Variants in NPAS3 observed in about 807,000 individuals in gnomAD.
NPAS3 encodes the protein neuronal PAS domain-containing protein 3.
In NPAS3, 14 loss-of-function variants were observed where a neutral mutation model predicts 73.1. The observed-to-expected ratio is 0.19, with a 90% CI of 0.13 to 0.30. The LOEUF (loss-of-function observed/expected upper bound fraction) is 0.30, where lower values mean the gene tolerates loss of function less well. NPAS3 is among the 10% of genes least tolerant of loss of function. The pLI, the probability that NPAS3 is intolerant of heterozygous loss-of-function variation, is 1.00. For missense variants in NPAS3, 1,096 were observed against 1,250.0 expected (o/e 0.88, Z 1.86); for synonymous variants, 620 against 541.5 (o/e 1.14, Z -2.01).
intron 5 of NPAS3, among the ~76,000 whole-genome samples, chr14:33,640,780 C>T (rs1428560380): frequency 1.3e-5 from 2 of 152,086 alleles, no homozygotes; most frequent in Non-Finnish European, 2.9e-5. Context: ...TTGAAAATCT[C>T]GTTGTACAAA....
rs117506837 is a variant in NPAS3, at chr14:32,979,238, G to A, written c.50+39872G>A. On this transcript the variant is annotated intron_variant, in intron 1 of 11. Coordinates refer to ENST00000356141, the Ensembl canonical transcript of NPAS3. ...TTAAAAGATAACTCTTGACTCTGCT[G>A]CTTAAAACCTCTATGCCTTCAAACA... Among the ~76,000 whole-genome samples, 195 of 152,220 alleles carry A rather than the reference G, an allele frequency of 1.3e-3. 3 individuals are homozygous for A. In the East Asian group the frequency reaches 0.02, roughly 16 times the overall value.
intron 3 of NPAS3, among the ~76,000 whole-genome samples, chr14:33,242,872 G>T (rs1389125777): frequency 1.3e-5 from 2 of 152,074 alleles, no homozygotes; most frequent in African/African-American, 4.8e-5. Flanking sequence ...AGCATTAGAT[G>T]ATGTGGAAAT....
chr14:33,409,187 G>T (rs979865543), intron 4 of NPAS3, among the ~76,000 whole-genome samples: 2 of 152,202 alleles, frequency 1.3e-5, no homozygotes, highest in African/African-American at 4.8e-5. Context: ...TTGTAAGGTT[G>T]TGGGGAGGGG....
chr14:33,510,854 G>A (rs2053015374), intron 4 of NPAS3, among the ~76,000 whole-genome samples: 1 of 152,080 alleles, frequency 6.6e-6, no homozygotes, highest in African/African-American at 2.4e-5. Context: ...GCAAATGACT[G>A]ATGCTTTATG....
intron 9 of NPAS3, among the ~76,000 whole-genome samples, chr14:33,792,572 A>AC (rs1220682197): frequency 1.2e-5 from 1 of 81,704 alleles, no homozygotes. Flanking sequence ...ACACCCATCC[A>AC]CCCCCCTCCA....
chr14:33,335,152 G>A (rs1383041816), intron 3 of NPAS3, among the ~76,000 whole-genome samples: 1 of 151,948 alleles, frequency 6.6e-6, no homozygotes, highest in Non-Finnish European at 1.5e-5. Context: ...TTGTGCTGCT[G>A]TAAACTTATG....
At chr14:33,630,683 T>C (rs2058353239) in intron 5 of NPAS3, among the ~76,000 whole-genome samples, 1 of 152,168 alleles carries the variant, frequency 6.6e-6, no homozygotes, top group Non-Finnish European at 1.5e-5. Flanking sequence ...AACATGTCAA[T>C]TAACCTATGG....
chr14:33,763,965 A>C (rs2062378662), intron 7 of NPAS3, among the ~76,000 whole-genome samples: 1 of 152,236 alleles, frequency 6.6e-6, no homozygotes. Context: ...CTTTAAAAAA[A>C]AAATTTCAGC....
At chr14:33,658,457 G>C (rs1418488549) in intron 5 of NPAS3, among the ~76,000 whole-genome samples, 1 of 152,156 alleles carries the variant, frequency 6.6e-6, no homozygotes, top group Non-Finnish European at 1.5e-5. Context: ...AGGTAATGCA[G>C]TATACCAGCA....
chr14:33,599,769 A>G (rs1213695903), intron 5 of NPAS3, among the ~76,000 whole-genome samples: 1 of 152,202 alleles, frequency 6.6e-6, no homozygotes, highest in African/African-American at 2.4e-5. Context: ...AAGCTCGTTC[A>G]GGAGGGCTTA....
intron 7 of NPAS3, among the ~76,000 whole-genome samples, chr14:33,735,840 G>T (rs147124017): frequency 1.3e-5 from 2 of 151,792 alleles, no homozygotes; most frequent in Non-Finnish European, 2.9e-5. Context: ...TTTATGGAAC[G>T]TGCAGTCACA....
intron 7 of NPAS3, among the ~76,000 whole-genome samples, chr14:33,742,936 C>T (rs376185022): frequency 1.3e-5 from 2 of 152,134 alleles, no homozygotes; most frequent in Non-Finnish European, 2.9e-5. Flanking sequence ...AGTTTCATCA[C>T]GAGACTACAG....
chr14:33,289,211 GT>G (rs1434502217), intron 3 of NPAS3, among the ~76,000 whole-genome samples: 5 of 152,228 alleles, frequency 3.3e-5, no homozygotes, highest in African/African-American at 1.2e-4. Context: ...CTAAAGGAGT[GT>G]TTTTCTGAAA....
chr14:33,003,621 T>C (rs2038887858), intron 1 of NPAS3, among the ~76,000 whole-genome samples: 2 of 152,222 alleles, frequency 1.3e-5, no homozygotes, highest in Non-Finnish European at 2.9e-5. Context: ...CCCTGAATAT[T>C]TTGGAAGGTT....
chr14:33,436,857 T>C (rs1190811292), intron 4 of NPAS3, among the ~76,000 whole-genome samples: 2 of 152,202 alleles, frequency 1.3e-5, no homozygotes, highest in South Asian at 2.1e-4. Flanking sequence ...ACCAAGGACA[T>C]TGACTTTTTT....
intron 6 of NPAS3, among the ~76,000 whole-genome samples, chr14:33,727,193 C>T (rs1349414556): frequency 1.2e-5 from 1 of 80,228 alleles, no homozygotes; most frequent in African/African-American, 5.0e-5. Context: ...ATACTGGCAA[C>T]CAGCTACCGC....
chr14:33,104,124 A>G (rs912488578), intron 2 of NPAS3, among the ~76,000 whole-genome samples: 2 of 152,166 alleles, frequency 1.3e-5, no homozygotes, highest in Non-Finnish European at 2.9e-5. Context: ...GACTCACTAT[A>G]ATGTAGACTA....
At chr14:33,079,329 T>G (rs2041781416) in intron 2 of NPAS3, among the ~76,000 whole-genome samples, 1 of 147,362 alleles carries the variant, frequency 6.8e-6, no homozygotes, top group Non-Finnish European at 1.5e-5. Context: ...TTTTTCCTTT[T>G]TTTTTTTGAG....
intron 3 of NPAS3, among the ~76,000 whole-genome samples, chr14:33,293,955 T>C (rs1472266989): frequency 6.6e-6 from 1 of 152,150 alleles, no homozygotes; most frequent in South Asian, 2.1e-4. Context: ...ATTTATTAAA[T>C]AGTGTAGGCA....
Sources: allele counts gnomAD v4.1 joint callset (sites outside exome capture counted in the v4.1 genomes callset), GRCh38; gene constraint gnomAD v4.1.1; transcripts MANE v1.5; gene names NCBI Gene and HGNC (gene_info 2026-07-23, HGNC 2026-07-21).